Variants in PGM5 observed in about 807,000 individuals in gnomAD.
PGM5 encodes phosphoglucomutase 5, also known as phosphoglucomutase-like protein 5.
A neutral mutation model predicts 59.2 loss-of-function variants in PGM5; 23 were observed. The ratio of observed to expected loss-of-function variants is 0.39; its 90% CI spans 0.28 to 0.55. PGM5 has a LOEUF of 0.55. Among genes scored for constraint, PGM5 ranks in the 20% least tolerant of loss-of-function variants. The probability of loss-of-function intolerance (pLI) is 0.66; values close to 1 mark genes in which losing one functional copy is unlikely to be tolerated. For missense variants in PGM5, 574 were observed against 748.3 expected, an observed-to-expected ratio of 0.77 and a Z score of 2.72; for synonymous variants, 214 against 286.0, an observed-to-expected ratio of 0.75 and a Z score of 2.54.
At chr9:68,417,964 C>T (rs1290891199) in intron 6 of PGM5, among the ~76,000 whole-genome samples, 3 of 152,176 alleles carry the variant, frequency 2.0e-5, no homozygotes, top group African/African-American at 7.2e-5. Flanking sequence ...TTGAGATGCA[C>T]AATTGCCAAA....
chr9:68,455,956 A>G (rs1395120049), intron 6 of PGM5, among the ~76,000 whole-genome samples: 1 of 152,236 alleles, frequency 6.6e-6, no homozygotes, highest in African/African-American at 2.4e-5. Flanking sequence ...GCCTTGGACT[A>G]TGGCTGTTTG....
intron 6 of PGM5, among the ~76,000 whole-genome samples, chr9:68,427,345 G>A (rs970123983): frequency 6.6e-6 from 1 of 152,142 alleles, no homozygotes; most frequent in Admixed American, 6.5e-5. Context: ...GACAGAAGGG[G>A]CCTCTGCAAT....
At chr9:68,525,776 G>T (rs1824961895) in intron 10 of PGM5, among the ~76,000 whole-genome samples, 3 of 152,202 alleles carry the variant, frequency 2.0e-5, no homozygotes, top group Admixed American at 2.0e-4. Context: ...ATGGGAGCTT[G>T]CCGGGCGTGG....
intron 6 of PGM5, among the ~76,000 whole-genome samples, chr9:68,417,997 A>G (rs1192330398): frequency 1.3e-5 from 2 of 152,156 alleles, no homozygotes; most frequent in Non-Finnish European, 2.9e-5. Context: ...ACCACCAGGG[A>G]GCAGCGAACT....
intron 7 of PGM5, 96 bp from the exon 8 acceptor site, chr9:68,479,322 C>T (rs1587823583): frequency 1.8e-6 from 2 of 1,119,594 alleles, no homozygotes; most frequent in Non-Finnish European, 2.6e-6. Flanking sequence ...ATCATTTCTA[C>T]ATAACATTCA....
chr9:68,410,542 G>C (rs1395795639), intron 6 of PGM5, among the ~76,000 whole-genome samples: 1 of 152,024 alleles, frequency 6.6e-6, no homozygotes, highest in South Asian at 2.1e-4. Context: ...TTTGATGATG[G>C]TGATGAGGAT....
At chr9:68,372,461 G>A (rs1350179883) in intron 1 of PGM5, among the ~76,000 whole-genome samples, 7 of 151,972 alleles carry the variant, frequency 4.6e-5, no homozygotes, top group African/African-American at 1.7e-4. Flanking sequence ...CCACGTAGCT[G>A]GCTGATCATT....
intron 10 of PGM5, among the ~76,000 whole-genome samples, chr9:68,518,963 A>C (rs1329481756): frequency 6.6e-6 from 1 of 152,264 alleles, no homozygotes; most frequent in Non-Finnish European, 1.5e-5. Flanking sequence ...ATATAAAAAT[A>C]AATTCACATC....
At chr9:68,517,252 A>T (rs1183071485) in intron 10 of PGM5, among the ~76,000 whole-genome samples, 1 of 152,000 alleles carries the variant, frequency 6.6e-6, no homozygotes, top group Non-Finnish European at 1.5e-5. Flanking sequence ...CATAGGCATA[A>T]TAGGGGACGG....
rs1219452648 is a variant in PGM5, at chr9:68,375,353, C to G, written c.262-2846C>G. 4.6e-5 allele frequency among the ~76,000 whole-genome samples: 7 copies of G among 152,364 alleles called. No homozygotes were observed. The South Asian group carries it at 6.2e-4, about 14-fold the overall frequency. ...TTGGAGGCTATTTACCACAGCCCCT[C>G]TCTTCAATATTCCAGTCCACCTGCA... On this transcript the variant is annotated intron_variant, in intron 1 of 10. Coordinates refer to ENST00000396396, the MANE Select transcript of PGM5 (RefSeq NM_021965.4).
intron 6 of PGM5, chr9:68,400,622 T>G (rs1822641717): frequency 6.6e-6 from 1 of 152,638 alleles, no homozygotes; most frequent in Non-Finnish European, 1.5e-5. Flanking sequence ...ATCTGTTGAT[T>G]GCAAAGAAAA....
At chr9:68,403,829 A>T (rs1361380885) in intron 6 of PGM5, among the ~76,000 whole-genome samples, 1 of 152,200 alleles carries the variant, frequency 6.6e-6, no homozygotes, top group Non-Finnish European at 1.5e-5. Flanking sequence ...AAGGTGGTAG[A>T]TGACATCAGA....
chr9:68,468,004 C>T (rs10780960), intron 7 of PGM5, among the ~76,000 whole-genome samples: 20,058 of 150,632 alleles, frequency 0.13, 2,901 homozygotes, highest in African/African-American at 0.36. Context: ...TCCCCTAAAA[C>T]CTACAACCCA....
chr9:68,362,624 C>T (rs1246955446), intron 1 of PGM5, among the ~76,000 whole-genome samples: 2 of 151,658 alleles, frequency 1.3e-5, no homozygotes, highest in Non-Finnish European at 2.9e-5. Flanking sequence ...TGCTTCAGAG[C>T]CTCTTCAGTG....
rs147613742 is a variant in PGM5 at position 68,487,429 on chromosome 9, T to TTC, written c.1479+3399_1479+3400dup. On this transcript the variant is annotated intron_variant, in intron 9 of 10. Transcript: ENST00000396396. ...TCAGTTCAAGAAAAGGATACAACTA[T>TTC]TCTCTCTCTCTCTCTCTCTGTGTCA... 2.0e-3 allele frequency among the ~76,000 whole-genome samples: 236 copies of TTC among 118,996 alleles called. 1 individual carries two copies. The highest frequency in any genetic ancestry group is 8.7e-3 in the East Asian group (29 of 3,350). The allele number at this position is 118,996 out of a possible 152,430, so 78.1% of individuals were successfully genotyped here. A position where few individuals can be genotyped will look rare whatever the true frequency, so the allele number is the denominator to read the frequency against.
intron 2 of PGM5, 94 bp from the exon 3 acceptor site, chr9:68,384,304 T>C (rs1554678638): frequency 3.7e-6 from 3 of 811,252 alleles, no homozygotes; most frequent in Non-Finnish European, 6.2e-6. Context: ...AACAAATGAA[T>C]CTTTTTCTGC....
intron 7 of PGM5, among the ~76,000 whole-genome samples, chr9:68,471,371 G>A (rs569962110): frequency 3.9e-5 from 6 of 152,274 alleles, no homozygotes; most frequent in African/African-American, 1.4e-4. Context: ...TTCCCAATCT[G>A]CATTCTAGGA....
intron 1 of PGM5, among the ~76,000 whole-genome samples, chr9:68,359,166 T>C (rs1207033470): frequency 1.3e-5 from 2 of 152,238 alleles, no homozygotes; most frequent in African/African-American, 4.8e-5. Context: ...TGTCCCACTT[T>C]ACCATAAGGA....
At chr9:68,516,053 A>G (rs1452872998) in intron 10 of PGM5, among the ~76,000 whole-genome samples, 1 of 152,238 alleles carries the variant, frequency 6.6e-6, no homozygotes, top group Non-Finnish European at 1.5e-5. Context: ...CATGCTATCC[A>G]TCCATGTTTT....
Sources: gnomAD v4.1 joint callset for allele counts (sites outside exome capture counted in the v4.1 genomes callset) on GRCh38, gnomAD v4.1.1 for gene constraint, MANE v1.5 for transcripts, NCBI Gene and HGNC (gene_info 2026-07-23, HGNC 2026-07-21) for gene names.